Variants in RHD observed in about 807,000 individuals in gnomAD.
RHD encodes the protein blood group Rh(D) polypeptide.
A neutral mutation model predicts 45.5 loss-of-function variants in RHD; 16 were observed. That is an observed-to-expected ratio of 0.35 (90% confidence interval 0.24 to 0.53). The LOEUF is 0.53. RHD is among the 20% of genes least tolerant of loss of function. The pLI, the probability that RHD is intolerant of heterozygous loss-of-function variation, is 0.92. For synonymous variants in RHD, 131 were observed against 217.5 expected, an observed-to-expected ratio of 0.60 and a Z score of 3.50; for missense variants, 306 against 532.0, an observed-to-expected ratio of 0.58 and a Z score of 4.18.
chr1:25,275,216 G>A (rs1295901413), intron 1 of RHD, among the ~76,000 whole-genome samples: 1 of 131,974 alleles, frequency 7.6e-6, no homozygotes, highest in East Asian at 1.9e-4. Flanking sequence ...CTTGAACCCA[G>A]GAGGCAGAGG....
intron 9 of RHD, among the ~76,000 whole-genome samples, chr1:25,322,367 A>C (rs978133294): frequency 6.0e-5 from 8 of 133,004 alleles, no homozygotes; most frequent in African/African-American, 1.8e-4. Flanking sequence ...GAGTGGAGAC[A>C]TGACTTATCA....
intron 2 of RHD, among the ~76,000 whole-genome samples, chr1:25,288,821 G>A (rs1642258564): frequency 7.8e-6 from 1 of 128,202 alleles, no homozygotes; most frequent in East Asian, 2.0e-4. Flanking sequence ...CGGCACACAC[G>A]CTCCTGAGTT....
In RHD at chr1:25,321,262, G is replaced by A. The variant is rs1261726550; in HGVS notation, c.1154-627G>A. Among the ~76,000 whole-genome samples, 3 of 125,544 alleles carry A rather than the reference G, an allele frequency of 2.4e-5. 1 individual carries two copies. Among genetic ancestry groups the A allele is most frequent in the African/African-American group, 8.1e-5 (3 of 37,114 alleles). 82.4% of individuals were successfully genotyped at this position (125,544 alleles called of 152,430 possible). On this transcript the variant is annotated intron_variant, in intron 8 of 9. Coordinates refer to ENST00000328664, the MANE Select transcript of RHD (RefSeq NM_016124.6). ...TGTCTTACATGGATCAGCTTTCGTG[G>A]GGCCCTTTTACTCCATCTGGGGAAG...
rs142904530 is a variant in RHD, at chr1:25,290,689, T to C, written c.384T>C (p.Asp128=). The change falls in exon 3 of 10, where the codon GAT becomes GAC. Residue 128 remains aspartate, a synonymous_variant. Coordinates refer to ENST00000328664, the MANE Select transcript of RHD (RefSeq NM_016124.6). ...MSALSVLISV[D]AVLGKVNLAQ... is the part of the protein sequence containing the mutation. The stretch of plus-strand genomic sequence containing the variant: ...CTTTGTCGGTGCTGATCTCAGTGGA[T>C]GCTGTCTTGGGGAAGGTCAACTTGG... 3.6e-5 allele frequency: 49 copies of C among 1,378,366 alleles called. 5 individuals carry two copies. The African/African-American group carries it at 6.2e-4, about 17-fold the overall frequency. The allele number at this position is 1,378,366 out of a possible 1,614,324, so 85.4% of individuals were successfully genotyped here.
At chr1:25,313,625 C>T (rs904487041) in intron 7 of RHD, among the ~76,000 whole-genome samples, 1 of 131,926 alleles carries the variant, frequency 7.6e-6, no homozygotes, top group Non-Finnish European at 1.8e-5. Context: ...AGAGGCAGAA[C>T]ACGTCATGCA....
chr1:25,301,785 G>C lies in RHD; in HGVS notation c.801+99G>C, dbSNP rs1405915141. 3 of 907,942 alleles carry C rather than the reference G, an allele frequency of 3.3e-6. No individual in the cohort carries two copies. The Admixed American group carries it at 5.6e-5, about 17-fold the overall frequency. The allele number at this position is 907,942 out of a possible 1,614,324, so 56.2% of individuals were successfully genotyped here. A position where few individuals can be genotyped will look rare whatever the true frequency, so the allele number is the denominator to read the frequency against. ...CCCAGGGCCAGCGTGGGTTGGGAGA[G>C]GGCATGCCGGGTGGTGGAGCTGTGC... On this transcript the variant is annotated intron_variant, in intron 5 of 9. Coordinates refer to ENST00000328664, the MANE Select transcript of RHD (RefSeq NM_016124.6).
rs552604781 is a variant in RHD at position 25,311,567 on chromosome 1, A to T, written c.1073+4838A>T. 2.4e-3 allele frequency among the ~76,000 whole-genome samples: 309 copies of T among 130,808 alleles called. 33 individuals carry two copies. Among genetic ancestry groups the T allele is most frequent in the African/African-American group, 7.8e-3 (298 of 38,426 alleles). 85.8% of individuals were successfully genotyped at this position (130,808 alleles called of 152,430 possible). On this transcript the variant is annotated intron_variant, in intron 7 of 9. Coordinates refer to ENST00000328664, the MANE Select transcript of RHD (RefSeq NM_016124.6). ...GAAGAAAGAAAATTAGTACACATAGAACAAAGCCAGAGGCTGTTCATCAGG... is the reference window on the plus strand; with the variant it reads ...GAAGAAAGAAAATTAGTACACATAGTACAAAGCCAGAGGCTGTTCATCAGG...
At position 25,276,523 on chromosome 1, in the gene RHD, C is replaced by G. The variant is rs1162455269; in HGVS notation, c.148+3828C>G. ...GCCTAGGAAACATAGGGAGACCCCC[C>G]CCCATCTCTAAAAAAAAAAAAAAAA... On this transcript the variant is annotated intron_variant, in intron 1 of 9. Coordinates refer to ENST00000328664, the MANE Select transcript of RHD (RefSeq NM_016124.6). 8.3e-4 allele frequency among the ~76,000 whole-genome samples: 50 copies of G among 59,952 alleles called. 2 individuals are homozygous for G. Among genetic ancestry groups the G allele is most frequent in the African/African-American group, 3.3e-3 (46 of 13,904 alleles). The allele number at this position is 59,952 out of a possible 152,430, so 39.3% of individuals were successfully genotyped here.
At chr1:25,300,504 T>A in intron 3 of RHD, among the ~76,000 whole-genome samples, 1 of 23,042 alleles carries the variant, frequency 4.3e-5, no homozygotes, top group African/African-American at 1.0e-4. Context: ...GGAGCAAGAC[T>A]CTGTCTCAAA....
intron 1 of RHD, among the ~76,000 whole-genome samples, chr1:25,278,315 A>C (rs1373442479): frequency 7.7e-6 from 1 of 130,696 alleles, no homozygotes; most frequent in East Asian, 2.0e-4. Context: ...TGATATGTTC[A>C]TTCTGGGCTT....
intron 1 of RHD, among the ~76,000 whole-genome samples, chr1:25,274,749 GT>G (rs1640796150): frequency 7.5e-6 from 1 of 134,062 alleles, no homozygotes; most frequent in African/African-American, 2.5e-5. Context: ...GCTCACGCCT[GT>G]AATCCCGGCA....
rs1186389627 is a variant in RHD, at chr1:25,329,234, C to CTTTTTTTTTTTTTTT, written c.*312_*313insTTTTTTTTTTTTTTT. ...AGCTAAGGTTAATTTATTATTATTC[C>CTTTTTTTTTTTTTTT]TTGTTTTTTTTTTTTTTTTTTTTTT... On this transcript the variant is annotated 3_prime_UTR_variant, in exon 10 of 10. Coordinates refer to ENST00000328664, the MANE Select transcript of RHD (RefSeq NM_016124.6). 1 of 322,292 alleles carries CTTTTTTTTTTTTTTT rather than the reference C, an allele frequency of 3.1e-6. No homozygotes were observed. The highest frequency in any genetic ancestry group is 2.7e-5 in the African/African-American group (1 of 37,472). 20.0% of individuals were successfully genotyped at this position (322,292 alleles called of 1,614,324 possible).
rs1419957270 is a variant in RHD, at chr1:25,273,895, A to G, written c.148+1200A>G. Among the ~76,000 whole-genome samples, 4 of 129,674 alleles carry G rather than the reference A, an allele frequency of 3.1e-5. No homozygotes were observed. The East Asian group carries it at 7.9e-4, about 25-fold the overall frequency. The allele number at this position is 129,674 out of a possible 152,430, so 85.1% of individuals were successfully genotyped here. On this transcript the variant is annotated intron_variant, in intron 1 of 9. Transcript: ENST00000328664. ...GAGAAGTCATCCTGGGGGCCATGGC[A>G]GTGACAAGTAGGACTTAGGGAGGGA...
At chr1:25,275,360 G>A (rs1189874273) in intron 1 of RHD, among the ~76,000 whole-genome samples, 1 of 132,386 alleles carries the variant, frequency 7.6e-6, no homozygotes, top group African/African-American at 2.6e-5. Context: ...TGCATACGAA[G>A]TTTGGCTTCA....
Position 25,322,271 on chromosome 1 carries a change from G to C in RHD, c.1227+309G>C, listed in dbSNP as rs1008934767. 1.7e-4 allele frequency among the ~76,000 whole-genome samples: 22 copies of C among 132,454 alleles called. 5 individuals are homozygous for C. The highest frequency in any genetic ancestry group is 3.8e-4 in the Non-Finnish European group (21 of 55,856). 86.9% of individuals were successfully genotyped at this position (132,454 alleles called of 152,430 possible). ...AGTCCTCAGCGTAGCCAAATAGTCT[G>C]ACATGCGGGTGACAGAACCCCACAA... On this transcript the variant is annotated intron_variant, in intron 9 of 9. Coordinates refer to ENST00000328664, the MANE Select transcript of RHD (RefSeq NM_016124.6).
chr1:25,320,123 C>T (rs1341245168), intron 8 of RHD, among the ~76,000 whole-genome samples: 2 of 131,292 alleles, frequency 1.5e-5, no homozygotes, highest in African/African-American at 5.2e-5. Context: ...GTCTCGAACT[C>T]CTGACCTCAG....
intron 7 of RHD, chr1:25,307,628 G>A: frequency 9.5e-7 from 1 of 1,052,750 alleles, no homozygotes; most frequent in Non-Finnish European, 1.4e-6. Context: ...TGAGATTTAA[G>A]AGAAGTTATC....
intron 3 of RHD, among the ~76,000 whole-genome samples, chr1:25,295,944 C>T (rs1642920194): frequency 9.4e-6 from 1 of 106,640 alleles, no homozygotes; most frequent in African/African-American, 3.3e-5. Context: ...CTCACTGCAA[C>T]TTCTGCCTTC....
chr1:25,282,004 CA>C lies in RHD; in HGVS notation c.149-2568del, dbSNP rs1368877719. ...TGTTATCAAGGCCAGGGCTGGAGACCAGTGGCAGGTGAGTTCCTATTGCTGT... is the reference window on the plus strand; with the variant it reads ...TGTTATCAAGGCCAGGGCTGGAGACCGTGGCAGGTGAGTTCCTATTGCTGT... On this transcript the variant is annotated intron_variant, in intron 1 of 9. Coordinates refer to ENST00000328664, the MANE Select transcript of RHD (RefSeq NM_016124.6). Among the ~76,000 whole-genome samples the C allele has an allele frequency of 1.7e-4, 22 of 132,046 alleles. 6 individuals are homozygous for C. The highest frequency in any genetic ancestry group is 4.7e-4 in the African/African-American group (18 of 38,658). 86.6% of individuals were successfully genotyped at this position (132,046 alleles called of 152,430 possible).
Sources: allele counts gnomAD v4.1 joint callset (sites outside exome capture counted in the v4.1 genomes callset), GRCh38; gene constraint gnomAD v4.1.1; transcripts MANE v1.5; gene names NCBI Gene and HGNC (gene_info 2026-07-23, HGNC 2026-07-21).